The following SAR1B variants were observed in gnomAD, a reference collection of about 807,000 sequenced individuals.
The protein encoded by SAR1B is secretion associated Ras related GTPase 1B, also known as small COPII coat GTPase SAR1B.
A neutral mutation model predicts 26.8 loss-of-function variants in SAR1B; 23 were observed. That is an observed-to-expected ratio of 0.86 (90% confidence interval 0.62 to 1.22). The LOEUF is 1.22. Ranked by LOEUF, SAR1B falls within the 50% of genes most tolerant of loss-of-function variation. The pLI, the probability that SAR1B is intolerant of heterozygous loss-of-function variation, is 0.00. For missense variants in SAR1B, 196 were observed against 232.8 expected (o/e 0.84, Z 1.03); for synonymous variants, 65 against 80.8 (o/e 0.80, Z 1.05).
intron 4 of SAR1B, among the ~76,000 whole-genome samples, chr5:134,612,219 G>A (rs1348732343): frequency 6.6e-6 from 1 of 152,110 alleles, no homozygotes; most frequent in Non-Finnish European, 1.5e-5. Context: ...GAGAATGGAA[G>A]TTAATTTTAC....
At chr5:134,628,025 G>T (rs532107999) in intron 1 of SAR1B, among the ~76,000 whole-genome samples, 13 of 151,514 alleles carry the variant, frequency 8.6e-5, no homozygotes, top group Non-Finnish European at 1.5e-4. Context: ...TATAATCCCA[G>T]CTACTCAGGA....
Position 134,608,879 on chromosome 5 carries a change from A to G in SAR1B, c.349-376T>C, listed in dbSNP as rs1024624505. On this transcript the variant is annotated intron_variant, in intron 5 of 6. Transcript: ENST00000402673. ...AATTAGGAACAGTAGCATCCACCCTATGAAATTGAGAATTAAATCAAGTAA... is the reference window on the plus strand; with the variant it reads ...AATTAGGAACAGTAGCATCCACCCTGTGAAATTGAGAATTAAATCAAGTAA... 6 of 364,552 alleles carry G rather than the reference A, an allele frequency of 1.6e-5. No homozygotes were observed. The East Asian group carries it at 2.2e-4, about 13-fold the overall frequency. The allele number at this position is 364,552 out of a possible 1,614,324, so 22.6% of individuals were successfully genotyped here.
At position 134,605,966 on chromosome 5, in the gene SAR1B, A is replaced by G. The variant is rs950578344; in HGVS notation, c.*984T>C. ...ACTGTTAAATGTACAGAGACTGGGA[A>G]TATATCTAAATGTGGAGACACTGGT... On this transcript the variant is annotated 3_prime_UTR_variant, in exon 7 of 7. Transcript: ENST00000402673. The G allele has an allele frequency of 6.6e-6, 1 of 152,194 alleles. No individual in the cohort carries two copies. The highest frequency in any genetic ancestry group is 1.5e-5 in the Non-Finnish European group (1 of 68,040). 9.4% of individuals were successfully genotyped at this position (152,194 alleles called of 1,614,324 possible). A position where few individuals can be genotyped will look rare whatever the true frequency, so the allele number is the denominator to read the frequency against.
chr5:134,624,908 G>A (rs1001805585), intron 1 of SAR1B, among the ~76,000 whole-genome samples: 3 of 152,136 alleles, frequency 2.0e-5, no homozygotes, highest in African/African-American at 7.2e-5. Flanking sequence ...GATTACAGGC[G>A]TGAGCCACCC....
Position 134,619,031 on chromosome 5 carries a change from T to G in SAR1B, c.178+1902A>C, listed in dbSNP as rs1236088939. On this transcript the variant is annotated intron_variant, in intron 3 of 6. Coordinates refer to ENST00000402673, the MANE Select transcript of SAR1B (RefSeq NM_016103.4). ...AAAAAAAAAAAATTAGAGTCATTAT[T>G]AAAAAACATTATTTTTGGCCAAGTG... is the stretch of plus-strand genomic sequence containing the variant. 2.8e-5 allele frequency among the ~76,000 whole-genome samples: 4 copies of G among 142,774 alleles called. No homozygotes were observed. In the East Asian group the frequency reaches 6.7e-4, roughly 24 times the overall value. The allele number at this position is 142,774 out of a possible 152,430, so 93.7% of individuals were successfully genotyped here.
intron 3 of SAR1B, among the ~76,000 whole-genome samples, chr5:134,617,255 C>T (rs1765330322): frequency 6.6e-6 from 1 of 151,922 alleles, no homozygotes; most frequent in African/African-American, 2.4e-5. Context: ...AATAATAACT[C>T]ACCACCAACA....
chr5:134,615,347 CAAAA>C (rs1169325540), intron 3 of SAR1B, among the ~76,000 whole-genome samples: 1 of 87,756 alleles, frequency 1.1e-5, no homozygotes. Context: ...GACTCCATCT[CAAAA>C]AAAAAAAAAA....
At chr5:134,630,879 CTTTTTTTTTCTTTTTTT>C (rs1765589974) in intron 1 of SAR1B, among the ~76,000 whole-genome samples, 3 of 81,308 alleles carry the variant, frequency 3.7e-5, no homozygotes, top group South Asian at 8.9e-4. Context: ...TTTTCTATTT[CTTTTTTTTTCTTTTTTT>C]TTTTTTTTTT....
chr5:134,629,992 G>T (rs1335209961), intron 1 of SAR1B, among the ~76,000 whole-genome samples: 1 of 152,148 alleles, frequency 6.6e-6, no homozygotes, highest in African/African-American at 2.4e-5. Context: ...GCTGGGCACA[G>T]TGGCTCATAT....
At chr5:134,609,248 A>C in intron 5 of SAR1B, 1 of 421,338 alleles carries the variant, frequency 2.4e-6, no homozygotes, top group South Asian at 2.0e-5. Context: ...GCATCTTAGC[A>C]TGACCAGGGA....
chr5:134,623,576 G>C (rs1765449317), intron 2 of SAR1B, among the ~76,000 whole-genome samples: 1 of 151,300 alleles, frequency 6.6e-6, no homozygotes, highest in South Asian at 2.1e-4. Flanking sequence ...TATTTATGGT[G>C]TACAAGCTAC....
At chr5:134,614,977 GGCCAAAA>G (rs1379040299) in intron 3 of SAR1B, 1 of 152,114 alleles carries the variant, frequency 6.6e-6, no homozygotes, top group Non-Finnish European at 1.5e-5. Context: ...ACTCACTTAT[GGCCAAAA>G]GCACAAGTGC....
intron 2 of SAR1B, among the ~76,000 whole-genome samples, chr5:134,623,699 C>A (rs1765450872): frequency 6.6e-6 from 1 of 151,864 alleles, no homozygotes; most frequent in African/African-American, 2.4e-5. Context: ...AGTAATATTC[C>A]CAACACCTTA....
Position 134,609,551 on chromosome 5 carries a change from G to C in SAR1B, c.348+20C>G, listed in dbSNP as rs1765179851. The C allele has an allele frequency of 6.3e-7, 1 of 1,584,200 alleles. No homozygotes were observed. Among genetic ancestry groups the C allele is most frequent in the Non-Finnish European group, 8.7e-7 (1 of 1,152,784 alleles). On this transcript the variant is annotated intron_variant, in intron 5 of 6. Transcript: ENST00000402673. ...TACCAGAGTGATTTGACTATATTTA[G>C]TTTCAGTTATTTAACTTACATCAAG...
intron 1 of SAR1B, among the ~76,000 whole-genome samples, chr5:134,624,710 C>A (rs1352509148): frequency 6.8e-6 from 1 of 147,236 alleles, no homozygotes; most frequent in African/African-American, 2.5e-5. Flanking sequence ...TCACTGAAAG[C>A]TTCTCCTCCC....
At position 134,615,836 on chromosome 5, in the gene SAR1B, T is replaced by C. The variant is rs1765303759; in HGVS notation, c.179-3080A>G. Among the ~76,000 whole-genome samples the C allele has an allele frequency of 3.6e-5, 5 of 138,356 alleles. No homozygotes were observed. In the Admixed American group the frequency reaches 3.7e-4, roughly 10 times the overall value. The allele number at this position is 138,356 out of a possible 152,430, so 90.8% of individuals were successfully genotyped here. A position where few individuals can be genotyped will look rare whatever the true frequency, so the allele number is the denominator to read the frequency against. On this transcript the variant is annotated intron_variant, in intron 3 of 6. Transcript: ENST00000402673. ...CGTCTCAAAAAATAACAATAATAAA[T>C]AAAGAAATTCTGTATGTAGGCCAGG...
At chr5:134,616,488 G>T (rs1765319814) in intron 3 of SAR1B, among the ~76,000 whole-genome samples, 2 of 148,630 alleles carry the variant, frequency 1.3e-5, no homozygotes, top group Non-Finnish European at 3.0e-5. Context: ...ATTGCCAAAT[G>T]AATAAAATAT....
intron 4 of SAR1B, among the ~76,000 whole-genome samples, 188 bp from the exon 5 acceptor site, chr5:134,609,862 CT>C (rs1440455680): frequency 6.6e-6 from 1 of 151,796 alleles, no homozygotes; most frequent in Non-Finnish European, 1.5e-5. Context: ...GAATTTCAGG[CT>C]TTCCTTGACT....
intron 3 of SAR1B, 31 bp from the exon 4 acceptor site, chr5:134,612,787 AAAATTAG>A: frequency 1.3e-6 from 2 of 1,571,094 alleles, no homozygotes; most frequent in Admixed American, 3.5e-5. Context: ...TTTTTACATG[AAAATTAG>A]AAACCCATTA....
Sources: gnomAD v4.1 joint callset for allele counts (sites outside exome capture counted in the v4.1 genomes callset) on GRCh38, gnomAD v4.1.1 for gene constraint, MANE v1.5 for transcripts, NCBI Gene and HGNC (gene_info 2026-07-23, HGNC 2026-07-21) for gene names.